Variants in NHS observed in about 807,000 individuals in gnomAD.
The protein encoded by NHS is NHS actin remodeling regulator, also known as actin remodeling regulator NHS.
Under a neutral mutation model 72.5 loss-of-function variants are expected in NHS, and 5 were observed. That is an observed-to-expected ratio of 0.07 (90% CI 0.04 to 0.14). The LOEUF is 0.14. NHS is among the 10% of genes least tolerant of loss of function. NHS has a pLI of 1.00. For synonymous variants in NHS, 464 were observed against 547.7 expected (o/e 0.85, Z 2.13); for missense variants, 1,072 against 1,355.7 (o/e 0.79, Z 3.29).
At chrX:17,414,334 C>T (rs1365123543) in intron 1 of NHS, among the ~76,000 whole-genome samples, 1 of 112,125 alleles carries the variant, frequency 8.9e-6, no homozygotes, top group African/African-American at 3.2e-5. Flanking sequence ...AAACGAATCC[C>T]GGTGGCTTGA....
chrX:17,427,985 C>G (rs1001396590), intron 1 of NHS, among the ~76,000 whole-genome samples: 1 of 111,927 alleles, frequency 8.9e-6, no homozygotes, highest in Non-Finnish European at 1.9e-5. Flanking sequence ...GGTCTCTCTC[C>G]AGCCCCACTA....
At chrX:17,405,565 T>C (rs2064525378) in intron 1 of NHS, among the ~76,000 whole-genome samples, 1 of 112,326 alleles carries the variant, frequency 8.9e-6, no homozygotes, top group Admixed American at 9.4e-5. Context: ...TAGTGCTGCC[T>C]AAGAGTCCAG....
At chrX:17,443,444 G>T (rs919204607) in intron 1 of NHS, among the ~76,000 whole-genome samples, 3 of 111,523 alleles carry the variant, frequency 2.7e-5, no homozygotes, top group Admixed American at 1.9e-4. Context: ...ATGATTCTGG[G>T]TCCCCTGAGC....
chrX:17,657,787 G>A (rs1463415216), intron 1 of NHS, among the ~76,000 whole-genome samples: 1 of 112,834 alleles, frequency 8.9e-6, no homozygotes, highest in Admixed American at 9.3e-5. Flanking sequence ...TATGTATGGG[G>A]CTTCCTCCTT....
At chrX:17,610,016 G>A (rs1193359048) in intron 1 of NHS, among the ~76,000 whole-genome samples, 2 of 112,141 alleles carry the variant, frequency 1.8e-5, no homozygotes, top group Admixed American at 9.4e-5. Flanking sequence ...AAGTCCATCA[G>A]CATGTTATAC....
intron 1 of NHS, among the ~76,000 whole-genome samples, chrX:17,567,214 G>A (rs1776640156): frequency 8.9e-6 from 1 of 112,093 alleles, no homozygotes; most frequent in African/African-American, 3.2e-5. Context: ...GTGTTTCTCA[G>A]TAACCAGTTG....
Position 17,687,784 on chromosome X carries a change from A to G in NHS, c.608A>G (p.Tyr203Cys). Residue 203 changes from tyrosine (Y) to cysteine (C), a missense_variant, in exon 2 of 9, where the codon TAC (tyrosine) becomes TGC (cysteine). Coordinates refer to ENST00000676302, the MANE Select transcript of NHS (RefSeq NM_001291867.2). ...ATAGAGAGTAAGCTGAGTGTGTACT[A>G]CCGCGCCCCGTGGCACCAGCAGCGC... ...LDIESKLSVYYRAPWHQQRNI... is the reference protein window; with the variant it reads ...LDIESKLSVYCRAPWHQQRNI... The G allele has an allele frequency of 2.5e-6, 3 of 1,211,214 alleles. No homozygotes were observed. Among genetic ancestry groups the G allele is most frequent in the South Asian group, 3.5e-5 (2 of 56,944 alleles).
intron 1 of NHS, among the ~76,000 whole-genome samples, chrX:17,414,986 G>C (rs150525952): frequency 0.012 from 1,319 of 111,294 alleles, 16 homozygotes; most frequent in African/African-American, 0.04. Flanking sequence ...ACTGCATGGG[G>C]GCGGGGGTTG....
At chrX:17,461,221 G>A (rs891436341) in intron 1 of NHS, among the ~76,000 whole-genome samples, 1 of 111,922 alleles carries the variant, frequency 8.9e-6, no homozygotes, top group Non-Finnish European at 1.9e-5. Flanking sequence ...GCCAGGTATC[G>A]AAAGTCAACA....
At chrX:17,388,317 G>A (rs1354897054) in intron 1 of NHS, among the ~76,000 whole-genome samples, 3 of 111,641 alleles carry the variant, frequency 2.7e-5, no homozygotes, top group Non-Finnish European at 3.8e-5. Context: ...ATGTTAGGAG[G>A]TAGTAAGTGC....
chrX:17,723,446 T>C (rs1321978281), intron 5 of NHS, among the ~76,000 whole-genome samples: 2 of 111,985 alleles, frequency 1.8e-5, no homozygotes, highest in Non-Finnish European at 3.8e-5. Flanking sequence ...AATGTGATTA[T>C]GGAGAGAGAA....
chrX:17,730,042 C>T (rs905588889), intron 8 of NHS, among the ~76,000 whole-genome samples: 2 of 112,243 alleles, frequency 1.8e-5, no homozygotes, highest in African/African-American at 6.5e-5. Flanking sequence ...TATACCTTAG[C>T]AGGCATACTT....
intron 1 of NHS, among the ~76,000 whole-genome samples, chrX:17,662,985 A>C (rs1487330163): frequency 8.9e-6 from 1 of 112,099 alleles, no homozygotes; most frequent in African/African-American, 3.2e-5. Context: ...AAATAGAAAC[A>C]GTAGAAATTG....
chrX:17,538,819 G>C (rs1331135374), intron 1 of NHS, among the ~76,000 whole-genome samples: 4 of 112,059 alleles, frequency 3.6e-5, no homozygotes, highest in South Asian at 3.7e-4. Context: ...TTGCTCTTAA[G>C]TGGGGCGTAC....
Position 17,376,096 on chromosome X carries a change from G to A in NHS, c.339G>A (p.Ala113=), listed in dbSNP as rs1364463762. ...APAAGEASSA[A]AAAAVLLMLD... The stretch of plus-strand genomic sequence containing the variant: ...CAGCCGGCGAGGCGTCCTCGGCGGC[G>A]GCGGCGGCGGCCGTGCTGCTCATGC... Residue 113 remains alanine (A), a synonymous_variant, in exon 1 of 9, where the codon GCG becomes GCA. Coordinates refer to ENST00000676302, the MANE Select transcript of NHS (RefSeq NM_001291867.2). 5 of 1,085,736 alleles carry A rather than the reference G, an allele frequency of 4.6e-6. No individual in the cohort carries two copies. The East Asian group carries it at 1.5e-4, about 34-fold the overall frequency. 89.5% of individuals were successfully genotyped at this position (1,085,736 alleles called of 1,213,427 possible).
chrX:17,472,770 C>T (rs888227643), intron 1 of NHS, among the ~76,000 whole-genome samples: 1 of 111,486 alleles, frequency 9.0e-6, no homozygotes, highest in East Asian at 2.8e-4. Context: ...TTTTTTGGAC[C>T]CAAAGGACAC....
rs1004662030 is a variant in NHS at position 17,423,665 on chromosome X, G to A, written c.565+47343G>A. On this transcript the variant is annotated intron_variant, in intron 1 of 8. Coordinates refer to ENST00000676302, the MANE Select transcript of NHS (RefSeq NM_001291867.2). ...ATCTGTCACTGGGTTTTATGCCTGT[G>A]TTCAAAATATTCCATTTCTCCATCT... is the stretch of plus-strand genomic sequence containing the variant. 2.7e-5 allele frequency among the ~76,000 whole-genome samples: 3 copies of A among 111,887 alleles called. No individual in the cohort carries two copies. In the Admixed American group the frequency reaches 2.8e-4, roughly 11 times the overall value.
intron 1 of NHS, among the ~76,000 whole-genome samples, chrX:17,566,628 C>A (rs2065445198): frequency 9.0e-6 from 1 of 111,437 alleles, no homozygotes; most frequent in African/African-American, 3.3e-5. Context: ...CATTGTCTTC[C>A]ATCTCCTGCT....
intron 1 of NHS, among the ~76,000 whole-genome samples, chrX:17,526,934 C>T (rs564348396): frequency 8.9e-6 from 1 of 112,463 alleles, no homozygotes. Context: ...ATTCATTTGA[C>T]AACAAAATGA....
Sources: allele counts gnomAD v4.1 joint callset (sites outside exome capture counted in the v4.1 genomes callset), GRCh38; gene constraint gnomAD v4.1.1; transcripts MANE v1.5; gene names NCBI Gene and HGNC (gene_info 2026-07-23, HGNC 2026-07-21).